Variants in OSTN observed in about 807,000 individuals in gnomAD.
OSTN encodes osteocrin.
A neutral mutation model predicts 12.0 loss-of-function variants in OSTN; 9 were observed. The observed-to-expected ratio is 0.75, with a 90% CI of 0.45 to 1.30. OSTN has a LOEUF of 1.30. OSTN is among the 50% of genes most tolerant of loss of function. OSTN has a pLI of 0.00. For missense variants in OSTN, 148 were observed against 152.3 expected (o/e 0.97, Z 0.15); for synonymous variants, 59 against 56.9 (o/e 1.04, Z -0.16).
At chr3:191,223,334 C>T (rs1303280583) in intron 3 of OSTN, among the ~76,000 whole-genome samples, 2 of 152,180 alleles carry the variant, frequency 1.3e-5, no homozygotes, top group African/African-American at 2.4e-5. Flanking sequence ...GAAGCTAATA[C>T]ATGAGTTACC....
chr3:191,224,413 A>C (rs1714857324), intron 3 of OSTN, among the ~76,000 whole-genome samples: 1 of 151,944 alleles, frequency 6.6e-6, no homozygotes, highest in Non-Finnish European at 1.5e-5. Flanking sequence ...TTAATAATAG[A>C]AGAGCTTAAT....
intron 2 of OSTN, among the ~76,000 whole-genome samples, chr3:191,218,298 T>A (rs1301349251): frequency 6.6e-6 from 1 of 152,122 alleles, no homozygotes; most frequent in Non-Finnish European, 1.5e-5. Context: ...TCCCCAAAGA[T>A]CTAGCACTCT....
intron 1 of OSTN, among the ~76,000 whole-genome samples, chr3:191,211,248 ATACT>A (rs1469556523): frequency 2.0e-5 from 3 of 152,162 alleles, no homozygotes; most frequent in African/African-American, 7.2e-5. Context: ...GTATTGTTCT[ATACT>A]TTCCGTTTCT....
At chr3:191,231,575 T>A (rs1463584037) in intron 3 of OSTN, among the ~76,000 whole-genome samples, 2 of 152,210 alleles carry the variant, frequency 1.3e-5, no homozygotes, top group East Asian at 3.8e-4. Context: ...TGTTGTTAGA[T>A]CTTTCACAAG....
At chr3:191,221,258 G>A (rs977026704) in intron 3 of OSTN, among the ~76,000 whole-genome samples, 5 of 152,054 alleles carry the variant, frequency 3.3e-5, no homozygotes, top group Non-Finnish European at 7.4e-5. Flanking sequence ...TCTCAGGTAT[G>A]TCCTTCATAC....
intron 2 of OSTN, among the ~76,000 whole-genome samples, chr3:191,212,974 G>A (rs1576923861): frequency 6.9e-6 from 1 of 145,482 alleles, no homozygotes; most frequent in Non-Finnish European, 1.5e-5. Context: ...AGGTTCAAGC[G>A]ATTCTCCTGC....
At chr3:191,211,606 C>G (rs1025924325) in intron 1 of OSTN, among the ~76,000 whole-genome samples, 1 of 152,178 alleles carries the variant, frequency 6.6e-6, no homozygotes, top group African/African-American at 2.4e-5. Context: ...TGATTAGATT[C>G]ATTTTCAACT....
chr3:191,201,959 G>A (rs1273922225), intron 1 of OSTN, among the ~76,000 whole-genome samples: 1 of 152,112 alleles, frequency 6.6e-6, no homozygotes, highest in African/African-American at 2.4e-5. Context: ...TACAAATTAG[G>A]TCTTTGCCCT....
chr3:191,200,654 CA>C (rs1012338995), intron 1 of OSTN, among the ~76,000 whole-genome samples: 7 of 148,262 alleles, frequency 4.7e-5, no homozygotes, highest in Admixed American at 6.7e-5. Flanking sequence ...GTGAAAAGGA[CA>C]AAAAAAAATA....
At chr3:191,253,578 T>C (rs1269727001) in intron 4 of OSTN, among the ~76,000 whole-genome samples, 1 of 152,234 alleles carries the variant, frequency 6.6e-6, no homozygotes, top group African/African-American at 2.4e-5. Flanking sequence ...GTTTTAATAA[T>C]AGTTTCAAGA....
intron 1 of OSTN, among the ~76,000 whole-genome samples, chr3:191,202,709 C>T (rs766129236): frequency 6.6e-6 from 1 of 152,108 alleles, no homozygotes; most frequent in Non-Finnish European, 1.5e-5. Flanking sequence ...TTACCCTCTG[C>T]AAGCCTTTTA....
intron 3 of OSTN, among the ~76,000 whole-genome samples, chr3:191,224,131 A>G (rs1034211463): frequency 6.6e-6 from 1 of 152,114 alleles, no homozygotes; most frequent in Non-Finnish European, 1.5e-5. Context: ...TAATCCCAGC[A>G]CTTTGGGATG....
intron 3 of OSTN, among the ~76,000 whole-genome samples, chr3:191,237,678 C>T (rs559375594): frequency 9.8e-5 from 15 of 152,292 alleles, no homozygotes; most frequent in African/African-American, 3.4e-4. Flanking sequence ...GCAAACTCAC[C>T]CAACACCTGA....
chr3:191,235,825 T>A (rs1474782661), intron 3 of OSTN, among the ~76,000 whole-genome samples: 1 of 152,186 alleles, frequency 6.6e-6, no homozygotes, highest in Non-Finnish European at 1.5e-5. Context: ...CATCCTTGAC[T>A]CTCATTACTG....
chr3:191,210,452 A>G (rs1476884292), intron 1 of OSTN, among the ~76,000 whole-genome samples: 1 of 152,252 alleles, frequency 6.6e-6, no homozygotes, highest in Admixed American at 6.5e-5. Context: ...GGAAATATTT[A>G]GTGATGCCTC....
intron 3 of OSTN, among the ~76,000 whole-genome samples, chr3:191,224,107 A>G (rs1714844205): frequency 1.3e-5 from 2 of 152,118 alleles, no homozygotes; most frequent in South Asian, 2.1e-4. Context: ...GCCGGGCACC[A>G]TGACTCATGC....
intron 3 of OSTN, among the ~76,000 whole-genome samples, chr3:191,237,566 GGCCTGCTTCCA>G (rs1715225665): frequency 6.6e-6 from 1 of 152,160 alleles, no homozygotes; most frequent in African/African-American, 2.4e-5. Context: ...ATTATATGCT[GGCCTGCTTCCA>G]GCACCTGGCA....
intron 4 of OSTN, 64 bp from the exon 5 acceptor site, chr3:191,262,802 T>TG: frequency 1.4e-6 from 1 of 693,402 alleles, no homozygotes; most frequent in East Asian, 2.7e-5. Flanking sequence ...GTGAAGTTGA[T>TG]GGACTTCCAC....
intron 1 of OSTN, among the ~76,000 whole-genome samples, chr3:191,202,492 A>T (rs1378087619): frequency 6.6e-6 from 1 of 152,198 alleles, no homozygotes; most frequent in Non-Finnish European, 1.5e-5. Flanking sequence ...GTTTTTGAGT[A>T]GTATAAAATT....
Sources: gnomAD v4.1 joint callset for allele counts (sites outside exome capture counted in the v4.1 genomes callset) on GRCh38, gnomAD v4.1.1 for gene constraint, MANE v1.5 for transcripts, NCBI Gene and HGNC (gene_info 2026-07-23, HGNC 2026-07-21) for gene names.